Variants in KMT2C observed in about 807,000 individuals in gnomAD.
KMT2C encodes the protein histone-lysine N-methyltransferase 2C.
KMT2C carries 88 observed loss-of-function variants against 507.9 expected under a neutral mutation model. That is an observed-to-expected ratio of 0.17 (90% CI 0.15 to 0.21). The LOEUF (loss-of-function observed/expected upper bound fraction) is 0.21. KMT2C is among the 10% of genes least tolerant of loss of function. The pLI is 1.00. For missense variants in KMT2C, 4,954 were observed against 5,957.8 expected (o/e 0.83, Z 5.55); for synonymous variants, 2,049 against 2,080.8 (o/e 0.98, Z 0.42).
intron 34 of KMT2C, among the ~76,000 whole-genome samples, chr7:152,185,094 A>T (rs2093583127): frequency 6.6e-6 from 1 of 152,198 alleles, no homozygotes; most frequent in South Asian, 2.1e-4. Context: ...GATTACTTGT[A>T]ATACTTAACA....
chr7:152,372,007 A>G (rs1456023872), intron 1 of KMT2C, among the ~76,000 whole-genome samples: 2 of 152,184 alleles, frequency 1.3e-5, no homozygotes, highest in Non-Finnish European at 2.9e-5. Flanking sequence ...AAAATCGTCA[A>G]ATCACAAAGG....
Position 152,162,910 on chromosome 7 carries a change from G to C in KMT2C, c.10667C>G (p.Ala3556Gly). The part of the protein sequence containing the change: ...QSPVRPSFTP[A>G]LPAAPPVANS... ...AGCTACTGGAGGTGCTGCTGGTAAA[G>C]CAGGTGTAAAAGAAGGCCTCACTGG... is the stretch of plus-strand genomic sequence containing the variant. The change falls in exon 43 of 59, where the codon GCT becomes GGT. Residue 3556 changes from alanine (A) to glycine (G), a missense_variant. By Grantham distance (60) the Ala-to-Gly change is moderately conservative. Transcript: ENST00000262189. The C allele has an allele frequency of 5.0e-6, 8 of 1,614,160 alleles. No individual in the cohort carries two copies. Among genetic ancestry groups the C allele is most frequent in the Non-Finnish European group, 6.8e-6 (8 of 1,180,022 alleles).
chr7:152,190,475 T>C (rs538859917), intron 31 of KMT2C, among the ~76,000 whole-genome samples: 9 of 152,146 alleles, frequency 5.9e-5, no homozygotes, highest in African/African-American at 2.4e-5. Flanking sequence ...CCCACTGAAA[T>C]AGGTTATTAT....
At chr7:152,319,439 C>G (rs1274532946) in intron 3 of KMT2C, among the ~76,000 whole-genome samples, 1 of 152,192 alleles carries the variant, frequency 6.6e-6, no homozygotes, top group Non-Finnish European at 1.5e-5. Context: ...TATGCCCAGA[C>G]AGGGCCACCA....
intron 9 of KMT2C, among the ~76,000 whole-genome samples, chr7:152,253,867 C>T (rs2129167508): frequency 6.6e-6 from 1 of 152,274 alleles, no homozygotes; most frequent in South Asian, 2.1e-4. Context: ...CAGAGGCCAG[C>T]CAAAACTACT....
intron 6 of KMT2C, among the ~76,000 whole-genome samples, chr7:152,278,402 T>A (rs1401473229): frequency 1.3e-5 from 2 of 152,156 alleles, no homozygotes; most frequent in East Asian, 1.9e-4. Flanking sequence ...TGCCTCAGTC[T>A]CCCAAGTAGC....
intron 13 of KMT2C, 82 bp downstream of exon 13, chr7:152,249,794 A>G (rs1280800583): frequency 3.9e-6 from 3 of 776,884 alleles, no homozygotes; most frequent in Non-Finnish European, 6.7e-6. Flanking sequence ...GTATATACAT[A>G]CAGCAATCGC....
intron 3 of KMT2C, among the ~76,000 whole-genome samples, chr7:152,320,207 C>T (rs1206691730): frequency 6.6e-6 from 1 of 151,714 alleles, no homozygotes; most frequent in South Asian, 2.1e-4. Flanking sequence ...TTCCAAAATC[C>T]AAAAAAAATC....
At chr7:152,150,692 C>T (rs901964496) in intron 51 of KMT2C, among the ~76,000 whole-genome samples, 5 of 152,090 alleles carry the variant, frequency 3.3e-5, no homozygotes, top group Admixed American at 2.0e-4. Context: ...CATAACTCTG[C>T]CCACTTCTGT....
At chr7:152,303,382 G>A (rs192971696) in intron 6 of KMT2C, among the ~76,000 whole-genome samples, 63 of 152,256 alleles carry the variant, frequency 4.1e-4, no homozygotes, top group East Asian at 1.2e-3. Context: ...AATGTTTAGC[G>A]GCAGTCCTGG....
chr7:152,357,617 A>G (rs2097163010), intron 2 of KMT2C, among the ~76,000 whole-genome samples: 1 of 152,192 alleles, frequency 6.6e-6, no homozygotes, highest in Non-Finnish European at 1.5e-5. Context: ...AGTACAGAAA[A>G]AAAAACCATA....
At chr7:152,396,508 A>T (rs1282161364) in intron 1 of KMT2C, among the ~76,000 whole-genome samples, 1 of 152,208 alleles carries the variant, frequency 6.6e-6, no homozygotes, top group African/African-American at 2.4e-5. Flanking sequence ...TTATTATGAA[A>T]GGCTCCATAA....
At chr7:152,172,102 T>C (rs938450522) in intron 39 of KMT2C, among the ~76,000 whole-genome samples, 2 of 152,216 alleles carry the variant, frequency 1.3e-5, no homozygotes, top group Non-Finnish European at 2.9e-5. Flanking sequence ...TTAAGTACTA[T>C]TAGGATATAG....
rs112591459 is a variant in KMT2C, at chr7:152,158,770, C to T, written c.11670+93G>A. On this transcript the variant is annotated intron_variant, in intron 44 of 58. Coordinates refer to ENST00000262189, the MANE Select transcript of KMT2C (RefSeq NM_170606.3). ...CCTCAAGTGATCCACCTGCCTCAGC[C>T]TCCCAAAGTGCTGGGATTACAGGCA... The T allele has an allele frequency of 3.9e-5, 45 of 1,163,408 alleles. No homozygotes were observed. The African/African-American group carries it at 5.9e-4, about 15-fold the overall frequency. The allele number at this position is 1,163,408 out of a possible 1,614,324, so 72.1% of individuals were successfully genotyped here.
Position 152,182,276 on chromosome 7 carries a change from T to C in KMT2C, c.5584A>G (p.Ile1862Val), listed in dbSNP as rs201072522. The C allele has an allele frequency of 9.9e-6, 16 of 1,614,066 alleles. No individual in the cohort carries two copies. The African/African-American group carries it at 1.2e-4, about 12-fold the overall frequency. Residue 1862 changes from isoleucine (I) to valine (V), a missense_variant, in exon 36 of 59, where the codon ATT (isoleucine) becomes GTT (valine). Physicochemically the swap from Ile to Val is conservative, Grantham distance 29. Transcript: ENST00000262189. ...TGAGAAAGACTATCCTGGATGGGAA[T>C]CCGGGATGGGGCTGGAGGAGGAGGT... ...APPPPPAPSRIPIQDSLSQAQ... is the reference protein window; with the variant it reads ...APPPPPAPSRVPIQDSLSQAQ...
In KMT2C at chr7:152,352,679, A is replaced by C. The variant is rs1030460624; in HGVS notation, c.250+5908T>G. Among the ~76,000 whole-genome samples the C allele has an allele frequency of 1.5e-4, 23 of 152,312 alleles. No homozygotes were observed. The East Asian group carries it at 4.2e-3, about 28-fold the overall frequency. On this transcript the variant is annotated intron_variant, in intron 2 of 58. Transcript: ENST00000262189. ...GTGAATTTTGCCCAATATCTGGCTGAATTTCCCCCGATATCCCTTGAGCCT... is the reference window on the plus strand; with the variant it reads ...GTGAATTTTGCCCAATATCTGGCTGCATTTCCCCCGATATCCCTTGAGCCT...
rs144477292 is a variant in KMT2C, at chr7:152,180,206, A to G, written c.7150-80T>C. ...AAGGTTACTGGCTTTTTATTTTTAG[A>G]TATGGGATCTTGCTATGTTGCCCAG... On this transcript the variant is annotated intron_variant, in intron 36 of 58. Transcript: ENST00000262189. 8.7e-4 allele frequency: 1,260 copies of G among 1,452,052 alleles called. 6 individuals are homozygous for G. In the African/African-American group the frequency reaches 0.016, roughly 18 times the overall value. 89.9% of individuals were successfully genotyped at this position (1,452,052 alleles called of 1,614,324 possible).
intron 39 of KMT2C, among the ~76,000 whole-genome samples, chr7:152,172,927 T>A (rs192880413): frequency 6.6e-6 from 1 of 152,190 alleles, no homozygotes; most frequent in African/African-American, 2.4e-5. Context: ...ATAAATTTAA[T>A]TATATTTTAA....
intron 6 of KMT2C, among the ~76,000 whole-genome samples, chr7:152,285,693 T>C (rs2096284480): frequency 1.3e-5 from 2 of 152,196 alleles, no homozygotes; most frequent in East Asian, 3.8e-4. Context: ...TATATTTAAA[T>C]AGAGTTTCAG....
Sources: allele counts gnomAD v4.1 joint callset (sites outside exome capture counted in the v4.1 genomes callset), GRCh38; gene constraint gnomAD v4.1.1; transcripts MANE v1.5; gene names NCBI Gene and HGNC (gene_info 2026-07-23, HGNC 2026-07-21).